ANAPC1: variants seen among roughly 807,000 people sequenced by gnomAD.
ANAPC1 encodes anaphase promoting complex subunit 1, also known as anaphase-promoting complex subunit 1.
Under a neutral mutation model 208.0 loss-of-function variants are expected in ANAPC1, and 36 were observed. That is an observed-to-expected ratio of 0.17 (90% CI 0.13 to 0.23). The LOEUF is 0.23. ANAPC1 is among the 10% of genes least tolerant of loss of function. ANAPC1 has a pLI of 1.00. For missense variants in ANAPC1, 942 were observed against 2,011.6 expected (o/e 0.47, Z 10.17); for synonymous variants, 378 against 695.2 (o/e 0.54, Z 7.18).
chr2:111,848,496 G>A (rs113153352), intron 14 of ANAPC1, among the ~76,000 whole-genome samples: 17,922 of 151,912 alleles, frequency 0.12, 1,366 homozygotes, highest in Non-Finnish European at 0.16. Flanking sequence ...ACTGTGAGCC[G>A]GGGCACGCGG....
intron 10 of ANAPC1, among the ~76,000 whole-genome samples, chr2:111,859,559 A>T (rs1377442882): frequency 1.3e-5 from 2 of 152,206 alleles, no homozygotes. Flanking sequence ...CAACTTACAA[A>T]TAAGTTATTT....
chr2:111,847,227 A>G, intron 15 of ANAPC1, 29 bp from the exon 16 acceptor site: 1 of 1,571,284 alleles, frequency 6.4e-7, no homozygotes, highest in South Asian at 1.1e-5. Context: ...GAAAGTAGAT[A>G]AAATCTGTGC....
At chr2:111,858,724 T>C (rs1336129002) in intron 10 of ANAPC1, among the ~76,000 whole-genome samples, 1 of 145,440 alleles carries the variant, frequency 6.9e-6, no homozygotes, top group South Asian at 2.1e-4. Context: ...ATCACGCCAC[T>C]GCACTCCAGC....
At chr2:111,832,508 A>C (rs1680202322) in intron 20 of ANAPC1, among the ~76,000 whole-genome samples, 1 of 152,164 alleles carries the variant, frequency 6.6e-6, no homozygotes, top group Admixed American at 6.5e-5. Context: ...ATATGGTAGC[A>C]CTAGCCCCAT....
At chr2:111,788,569 T>A (rs2104515585) in intron 38 of ANAPC1, among the ~76,000 whole-genome samples, 1 of 151,118 alleles carries the variant, frequency 6.6e-6, no homozygotes, top group Non-Finnish European at 1.5e-5. Flanking sequence ...AAGCAAGGTT[T>A]TAACATAAAA....
intron 34 of ANAPC1, among the ~76,000 whole-genome samples, chr2:111,797,795 C>A (rs1678236397): frequency 8.6e-6 from 1 of 116,242 alleles, no homozygotes; most frequent in Non-Finnish European, 1.8e-5. Context: ...TGGGCATGGC[C>A]ATATTCCAAT....
In ANAPC1 at chr2:111,794,268, C is replaced by G. The variant is rs1304406090; in HGVS notation, c.4429G>C (p.Ala1477Pro). The G allele has an allele frequency of 6.8e-6, 11 of 1,612,956 alleles. No individual in the cohort carries two copies. Among genetic ancestry groups the G allele is most frequent in the Non-Finnish European group, 8.5e-6 (10 of 1,179,546 alleles). Residue 1477 changes from alanine (A) to proline (P), a missense_variant, in exon 36 of 48, where the codon GCT becomes CCT. Coordinates refer to ENST00000341068, the MANE Select transcript of ANAPC1 (RefSeq NM_022662.4). The stretch of plus-strand genomic sequence containing the variant: ...AATGCTGATAAGTTTTCTGAGCCAG[C>G]AAATCGAAAACCCAGAGACAAGCAG... The part of the protein sequence containing the change: ...GACLSLGFRF[A>P]GSENLSAFNC...
intron 21 of ANAPC1, among the ~76,000 whole-genome samples, chr2:111,830,154 T>C (rs1332253323): frequency 2.0e-5 from 3 of 152,168 alleles, no homozygotes; most frequent in Admixed American, 6.6e-5. Context: ...TTTAAAGACT[T>C]ACTATAAAGC....
intron 17 of ANAPC1, among the ~76,000 whole-genome samples, chr2:111,841,244 G>T (rs1193243902): frequency 6.6e-6 from 1 of 151,998 alleles, no homozygotes; most frequent in Admixed American, 6.6e-5. Flanking sequence ...CCTGGAGAGA[G>T]AGAGTAGTAA....
intron 46 of ANAPC1, among the ~76,000 whole-genome samples, chr2:111,773,310 A>C (rs1056818354): frequency 2.6e-5 from 4 of 152,244 alleles, no homozygotes; most frequent in African/African-American, 9.6e-5. Flanking sequence ...TATCATGCTG[A>C]GCTAGAGGTG....
rs530154057 is a variant in ANAPC1, at chr2:111,884,157, T to C, written c.-240A>G. On this transcript the variant is annotated 5_prime_UTR_variant, in exon 1 of 48. Coordinates refer to ENST00000341068, the MANE Select transcript of ANAPC1 (RefSeq NM_022662.4). ...CAGGAAGGCGTGCGAGACGTTCAAA[T>C]GGACGCGTCCATCTTGACTTTCCCG... 1 of 152,394 alleles carries C rather than the reference T, an allele frequency of 6.6e-6. No individual in the cohort carries two copies. Among genetic ancestry groups the C allele is most frequent in the East Asian group, 1.9e-4 (1 of 5,182 alleles). The allele number at this position is 152,394 out of a possible 1,614,324, so 9.4% of individuals were successfully genotyped here.
intron 38 of ANAPC1, among the ~76,000 whole-genome samples, chr2:111,791,120 G>A (rs1446909976): frequency 6.6e-6 from 1 of 152,060 alleles, no homozygotes; most frequent in African/African-American, 2.4e-5. Flanking sequence ...GGTAGCAAGA[G>A]ATTTGGACAT....
In ANAPC1 at chr2:111,834,681, C is replaced by T. The variant is rs1265087747; in HGVS notation, c.2307G>A (p.Val769=). 63 of 1,613,462 alleles carry T rather than the reference C, an allele frequency of 3.9e-5. No individual in the cohort carries two copies. Among genetic ancestry groups the T allele is most frequent in the Non-Finnish European group, 5.3e-5 (62 of 1,179,768 alleles). The change falls in exon 19 of 48, where the codon GTG becomes GTA. Residue 769 remains valine (V), a synonymous_variant. Coordinates refer to ENST00000341068, the MANE Select transcript of ANAPC1 (RefSeq NM_022662.4). The part of the protein sequence containing the change: ...IPAIFFVLHL[V]YEELKLNTLM... ...GAGTATTCAACTTAAGCTCCTCATA[C>T]ACAAGGTGAAGAACGAAAAAAATTG...
chr2:111,806,565 A>G (rs1678686426), intron 29 of ANAPC1, among the ~76,000 whole-genome samples: 1 of 86,260 alleles, frequency 1.2e-5, no homozygotes, highest in African/African-American at 4.6e-5. Context: ...TTTTGTTTTC[A>G]TTACTTTCAA....
rs934416573 is a variant in ANAPC1 at position 111,884,101 on chromosome 2, G to A, written c.-184C>T. The A allele has an allele frequency of 6.6e-6, 1 of 152,314 alleles. No homozygotes were observed. Among genetic ancestry groups the A allele is most frequent in the Non-Finnish European group, 1.5e-5 (1 of 68,098 alleles). The allele number at this position is 152,314 out of a possible 1,614,324, so 9.4% of individuals were successfully genotyped here. On this transcript the variant is annotated 5_prime_UTR_variant, in exon 1 of 48. Coordinates refer to ENST00000341068, the MANE Select transcript of ANAPC1 (RefSeq NM_022662.4). ...CCCTCCCCTATTCTGGAGGAAGAAC[G>A]GGCAACAGCAGCGGGCTCGAGTGCT...
chr2:111,829,227 T>A (rs894468894), intron 21 of ANAPC1, among the ~76,000 whole-genome samples: 7 of 151,934 alleles, frequency 4.6e-5, no homozygotes, highest in Admixed American at 4.6e-4. Context: ...ACAATAATAA[T>A]AACAATTTCA....
chr2:111,801,582 A>C (rs1678447330), intron 33 of ANAPC1, among the ~76,000 whole-genome samples: 1 of 146,362 alleles, frequency 6.8e-6, no homozygotes. Context: ...ACACCATGAG[A>C]GCATCATACT....
In ANAPC1 at chr2:111,858,374, C is replaced by T. The variant is rs1191224227; in HGVS notation, c.1290G>A (p.Val430=). 2 of 1,613,474 alleles carry T rather than the reference C, an allele frequency of 1.2e-6. No individual in the cohort carries two copies. Among genetic ancestry groups the T allele is most frequent in the South Asian group, 2.2e-5 (2 of 91,080 alleles). The change falls in exon 11 of 48, where the codon GTG becomes GTA. Residue 430 remains valine, a synonymous_variant. Transcript: ENST00000341068. ...GCCCACATAGGTCAGATGTAATAAA[C>T]ACTTTTGAGGCTTGTGAATTTTTCT... ...IREKNSQASK[V]FITSDLCGQK...
At chr2:111,870,182 G>A (rs1682668349) in intron 6 of ANAPC1, among the ~76,000 whole-genome samples, 1 of 152,200 alleles carries the variant, frequency 6.6e-6, no homozygotes. Flanking sequence ...AAACATACAT[G>A]TGCATGTATC....
Sources: allele counts gnomAD v4.1 joint callset (sites outside exome capture counted in the v4.1 genomes callset), GRCh38; gene constraint gnomAD v4.1.1; transcripts MANE v1.5; gene names NCBI Gene and HGNC (gene_info 2026-07-23, HGNC 2026-07-21).